COMMD10: variants seen among roughly 807,000 people sequenced by gnomAD.
COMMD10 encodes the protein COMM domain-containing protein 10.
In COMMD10, 33 loss-of-function variants were observed where a neutral mutation model predicts 28.9. The observed-to-expected ratio is 1.14, with a 90% confidence interval of 0.87 to 1.53. The LOEUF (loss-of-function observed/expected upper bound fraction) is 1.53, where lower values mean the gene tolerates loss of function less well. Ranked by LOEUF, COMMD10 falls within the 40% of genes most tolerant of loss-of-function variation. The pLI is 0.00. For synonymous variants in COMMD10, 110 were observed against 81.7 expected (o/e 1.35, Z -1.87); for missense variants, 310 against 233.4 (o/e 1.33, Z -2.14).
intron 5 of COMMD10, among the ~76,000 whole-genome samples, chr5:116,241,951 C>G (rs1021858935): frequency 1.3e-5 from 2 of 152,112 alleles, no homozygotes; most frequent in Non-Finnish European, 2.9e-5. Context: ...TAAATTTAAC[C>G]TCTCAGAGGA....
At chr5:116,238,971 T>G (rs1229772239) in intron 5 of COMMD10, among the ~76,000 whole-genome samples, 2 of 152,144 alleles carry the variant, frequency 1.3e-5, no homozygotes, top group East Asian at 1.9e-4. Context: ...TCTCCAAGAT[T>G]AAAGCAATTC....
At chr5:116,243,831 A>G (rs913161940) in intron 5 of COMMD10, among the ~76,000 whole-genome samples, 2 of 152,172 alleles carry the variant, frequency 1.3e-5, no homozygotes, top group African/African-American at 2.4e-5. Context: ...AGTAAACTGC[A>G]TTTATTCTGG....
At chr5:116,262,155 A>G (rs79827628) in intron 5 of COMMD10, among the ~76,000 whole-genome samples, 2,918 of 151,696 alleles carry the variant, frequency 0.019, 40 homozygotes, top group Non-Finnish European at 0.029. Context: ...TTTAGATGCT[A>G]TACTATTCTG....
intron 4 of COMMD10, among the ~76,000 whole-genome samples, chr5:116,105,336 G>A (rs1407100890): frequency 6.6e-6 from 1 of 152,190 alleles, no homozygotes; most frequent in Non-Finnish European, 1.5e-5. Context: ...TAAGCTATTT[G>A]ATGTGCTGCT....
chr5:116,175,571 C>T (rs1016815379), intron 5 of COMMD10, among the ~76,000 whole-genome samples: 2 of 151,946 alleles, frequency 1.3e-5, no homozygotes, highest in Non-Finnish European at 2.9e-5. Context: ...ATTTATCCAC[C>T]CATGTTTGTA....
At chr5:116,121,751 A>T (rs998775638) in intron 4 of COMMD10, among the ~76,000 whole-genome samples, 2 of 152,088 alleles carry the variant, frequency 1.3e-5, no homozygotes, top group Non-Finnish European at 2.9e-5. Context: ...GCATTTTTTC[A>T]TGTGTCTGTT....
chr5:116,291,552 G>A lies in COMMD10; in HGVS notation c.546G>A (p.Lys182=). The A allele has an allele frequency of 6.3e-7, 1 of 1,599,038 alleles. No individual in the cohort carries two copies. The highest frequency in any genetic ancestry group is 1.7e-4 in the Middle Eastern group (1 of 6,018). ...LEKVLVEFSH[K]ELFDFYNKLE... ...AAGTTCTTGTGGAATTCAGTCACAA[G>A]GAGTTGTTTGATTTCTATAACAAGG... is the stretch of plus-strand genomic sequence containing the variant. Residue 182 remains lysine, a synonymous_variant, in exon 6 of 7, where the codon AAG becomes AAA. Coordinates refer to ENST00000274458, the MANE Select transcript of COMMD10 (RefSeq NM_016144.4).
chr5:116,194,717 T>C (rs1452034909), intron 5 of COMMD10, among the ~76,000 whole-genome samples: 2 of 152,096 alleles, frequency 1.3e-5, no homozygotes, highest in Non-Finnish European at 2.9e-5. Flanking sequence ...ACCAGACAGA[T>C]TCACAGCAGA....
At chr5:116,161,130 T>G (rs1300398587) in intron 5 of COMMD10, among the ~76,000 whole-genome samples, 1 of 152,176 alleles carries the variant, frequency 6.6e-6, no homozygotes, top group Non-Finnish European at 1.5e-5. Flanking sequence ...TGTGTATCTG[T>G]GTATCGTACT....
At chr5:116,110,121 G>T (rs955242384) in intron 4 of COMMD10, among the ~76,000 whole-genome samples, 1 of 152,048 alleles carries the variant, frequency 6.6e-6, no homozygotes, top group African/African-American at 2.4e-5. Context: ...TCAGTCTATT[G>T]GTTTGATCAT....
intron 5 of COMMD10, among the ~76,000 whole-genome samples, chr5:116,251,551 T>G (rs917752690): frequency 7.3e-5 from 11 of 150,962 alleles, no homozygotes; most frequent in Non-Finnish European, 1.5e-4. Context: ...TGTTTGGTTT[T>G]TTTGTTCTTG....
intron 5 of COMMD10, among the ~76,000 whole-genome samples, chr5:116,241,445 A>T (rs1415137958): frequency 2.0e-5 from 3 of 152,072 alleles, no homozygotes; most frequent in Non-Finnish European, 4.4e-5. Flanking sequence ...CAAAGTAAAA[A>T]ACTTCACTTA....
intron 5 of COMMD10, among the ~76,000 whole-genome samples, chr5:116,170,158 G>T (rs528643111): frequency 6.6e-6 from 1 of 152,142 alleles, no homozygotes; most frequent in East Asian, 1.9e-4. Context: ...TACAAAATCA[G>T]TGTGCACAAA....
intron 5 of COMMD10, among the ~76,000 whole-genome samples, chr5:116,247,283 G>A (rs904639317): frequency 1.3e-5 from 2 of 149,544 alleles, no homozygotes; most frequent in Non-Finnish European, 3.0e-5. Context: ...ACCCATCTCA[G>A]TCAGAAAGGT....
chr5:116,283,601 C>T (rs1372894062), intron 5 of COMMD10, among the ~76,000 whole-genome samples: 1 of 151,672 alleles, frequency 6.6e-6, no homozygotes, highest in East Asian at 1.9e-4. Context: ...CCTGCCTTGG[C>T]TTCCCAAAGT....
intron 4 of COMMD10, among the ~76,000 whole-genome samples, chr5:116,107,294 C>T (rs1169369417): frequency 6.6e-6 from 1 of 152,040 alleles, no homozygotes; most frequent in Non-Finnish European, 1.5e-5. Context: ...TTCCATTCTC[C>T]CCATCACTTT....
rs1261553781 is a variant in COMMD10 at position 116,171,666 on chromosome 5, A to T, written c.510+37488A>T. ...TTCAGCCATAAAAAAGGGTGAGTTT[A>T]TGTCCTTTGCAGCATCATGGATGAA... is the stretch of plus-strand genomic sequence containing the variant. On this transcript the variant is annotated intron_variant, in intron 5 of 6. Transcript: ENST00000274458. Among the ~76,000 whole-genome samples the T allele has an allele frequency of 3.3e-5, 5 of 152,278 alleles. No individual in the cohort carries two copies. In the East Asian group the frequency reaches 7.7e-4, roughly 24 times the overall value.
intron 2 of COMMD10, among the ~76,000 whole-genome samples, chr5:116,087,903 A>C (rs1483044102): frequency 6.6e-6 from 1 of 152,276 alleles, no homozygotes; most frequent in African/African-American, 2.4e-5. Context: ...TATGGTATAT[A>C]TTTTGGGACT....
intron 5 of COMMD10, among the ~76,000 whole-genome samples, chr5:116,223,383 C>T (rs1239497902): frequency 6.6e-6 from 1 of 151,892 alleles, no homozygotes; most frequent in Non-Finnish European, 1.5e-5. Context: ...AAGGATATGG[C>T]TATCTATATT....
Sources: allele counts gnomAD v4.1 joint callset (sites outside exome capture counted in the v4.1 genomes callset), GRCh38; gene constraint gnomAD v4.1.1; transcripts MANE v1.5; gene names NCBI Gene and HGNC (gene_info 2026-07-23, HGNC 2026-07-21).